Variants in CADM2 observed in about 807,000 individuals in gnomAD.
The protein encoded by CADM2 is immunoglobulin superfamily member 4D.
A neutral mutation model predicts 49.8 loss-of-function variants in CADM2; 12 were observed. That is an observed-to-expected ratio of 0.24 (90% CI 0.15 to 0.39). The LOEUF is 0.39. Among genes scored for constraint, CADM2 ranks in the 10% least tolerant of loss-of-function variants. The pLI is 1.00. For missense variants in CADM2, 378 were observed against 492.3 expected (o/e 0.77, Z 2.20); for synonymous variants, 214 against 175.4 (o/e 1.22, Z -1.74).
chr3:85,418,164 A>G (rs925748778), intron 1 of CADM2, among the ~76,000 whole-genome samples: 3 of 151,994 alleles, frequency 2.0e-5, no homozygotes, highest in Non-Finnish European at 4.4e-5. Flanking sequence ...ATGCCAGTCC[A>G]GGAAATATTT....
chr3:85,289,195 A>C (rs2043712053), intron 1 of CADM2, among the ~76,000 whole-genome samples: 1 of 152,196 alleles, frequency 6.6e-6, no homozygotes, highest in Non-Finnish European at 1.5e-5. Context: ...AGCTAGGAAG[A>C]CATCAATTAT....
intron 1 of CADM2, among the ~76,000 whole-genome samples, chr3:84,967,420 A>G (rs2031084867): frequency 6.6e-6 from 1 of 152,156 alleles, no homozygotes; most frequent in Non-Finnish European, 1.5e-5. Context: ...GTTCATTCTG[A>G]TACCTTTTAC....
intron 1 of CADM2, among the ~76,000 whole-genome samples, chr3:85,557,958 G>A (rs756081813): frequency 8.6e-5 from 13 of 151,962 alleles, no homozygotes; most frequent in Non-Finnish European, 1.8e-4. Context: ...GAGAAAACCT[G>A]TCTTTAGACA....
At chr3:84,989,974 A>G (rs560751418) in intron 1 of CADM2, among the ~76,000 whole-genome samples, 2 of 152,100 alleles carry the variant, frequency 1.3e-5, no homozygotes, top group African/African-American at 2.4e-5. Context: ...AGAAAATTAA[A>G]TATGGTTACA....
At chr3:85,993,252 A>G (rs990927056) in intron 8 of CADM2, 3 of 152,228 alleles carry the variant, frequency 2.0e-5, no homozygotes, top group African/African-American at 7.2e-5. Flanking sequence ...AGTAGATTTC[A>G]GCTTAAGAAA....
intron 1 of CADM2, among the ~76,000 whole-genome samples, chr3:85,507,282 T>C (rs1008671095): frequency 6.7e-6 from 1 of 150,188 alleles, no homozygotes; most frequent in East Asian, 2.0e-4. Context: ...CTCCCTCCCA[T>C]GTTCAAACGA....
intron 8 of CADM2, among the ~76,000 whole-genome samples, chr3:85,961,858 T>A (rs865957381): frequency 1.2e-4 from 18 of 152,084 alleles, no homozygotes; most frequent in African/African-American, 4.1e-4. Context: ...TAAAATTTTT[T>A]TTTGTAAAAA....
chr3:85,373,373 A>T, intron 1 of CADM2, among the ~76,000 whole-genome samples: 1 of 152,240 alleles, frequency 6.6e-6, no homozygotes, highest in Admixed American at 6.5e-5. Flanking sequence ...CACTGATGCA[A>T]GGGGTGGGTT....
chr3:85,119,336 GTTCTGTTCCACTGTTCTATATAT>G (rs2038764577), intron 1 of CADM2, among the ~76,000 whole-genome samples: 1 of 152,072 alleles, frequency 6.6e-6, no homozygotes, highest in African/African-American at 2.4e-5. Flanking sequence ...TGAAACCTTT[GTTCTGTTCCACTGTTCTATATAT>G]CTGTTTTGGT....
chr3:85,043,068 C>A (rs1329689299), intron 1 of CADM2, among the ~76,000 whole-genome samples: 1 of 151,944 alleles, frequency 6.6e-6, no homozygotes, highest in Non-Finnish European at 1.5e-5. Flanking sequence ...CATGGAGAAG[C>A]CCCTGGGAGA....
intron 1 of CADM2, among the ~76,000 whole-genome samples, chr3:85,219,493 C>T (rs2042000107): frequency 6.6e-6 from 1 of 152,090 alleles, no homozygotes; most frequent in African/African-American, 2.4e-5. Context: ...ATCAACTCTG[C>T]CTAAATATAC....
intron 1 of CADM2, among the ~76,000 whole-genome samples, chr3:85,661,618 T>C (rs999347287): frequency 9.9e-5 from 15 of 152,140 alleles, no homozygotes; most frequent in Middle Eastern, 3.4e-3. Flanking sequence ...AAGCTCTTTT[T>C]TTTCTCCCCT....
chr3:85,511,268 T>C (rs563862129), intron 1 of CADM2, among the ~76,000 whole-genome samples: 2 of 152,212 alleles, frequency 1.3e-5, no homozygotes, highest in South Asian at 4.1e-4. Context: ...AACAATTTAT[T>C]TAACTTTACC....
intron 1 of CADM2, among the ~76,000 whole-genome samples, chr3:85,722,384 A>G (rs1314070580): frequency 6.6e-6 from 1 of 152,104 alleles, no homozygotes; most frequent in African/African-American, 2.4e-5. Context: ...CTCTAACTCT[A>G]TTGCCTCCTC....
chr3:85,415,112 C>T (rs1419918408), intron 1 of CADM2, among the ~76,000 whole-genome samples: 1 of 152,074 alleles, frequency 6.6e-6, no homozygotes, highest in Admixed American at 6.5e-5. Context: ...GTGTTGCCTC[C>T]ACTATAATGC....
At position 85,058,477 on chromosome 3, in the gene CADM2, T is replaced by C. The variant is rs144578703; in HGVS notation, c.61+98809T>C. 4.6e-3 allele frequency among the ~76,000 whole-genome samples: 698 copies of C among 152,216 alleles called. 17 individuals carry two copies. Among genetic ancestry groups the C allele is most frequent in the Non-Finnish European group, 1.6e-3 (107 of 68,014 alleles). On this transcript the variant is annotated intron_variant, in intron 1 of 9. Coordinates refer to ENST00000383699, the MANE Select transcript of CADM2 (RefSeq NM_001167675.2). ...TTATTTTTTTGAGACAGAATTTTGC[T>C]CTTGTCGCCCAGGCTAGAGTGCAGT... is the stretch of plus-strand genomic sequence containing the variant.
At chr3:85,834,456 T>A (rs1248138591) in intron 3 of CADM2, among the ~76,000 whole-genome samples, 2 of 151,626 alleles carry the variant, frequency 1.3e-5, no homozygotes, top group African/African-American at 4.8e-5. Flanking sequence ...GACATGAGGG[T>A]ATAAGTAGAA....
intron 2 of CADM2, among the ~76,000 whole-genome samples, chr3:85,749,907 G>T (rs1023355204): frequency 4.0e-5 from 6 of 151,658 alleles, no homozygotes; most frequent in Admixed American, 2.6e-4. Context: ...TTGCTATTTG[G>T]GTGCTTTGTG....
chr3:85,542,842 G>T (rs2061577899), intron 1 of CADM2, among the ~76,000 whole-genome samples: 1 of 152,144 alleles, frequency 6.6e-6, no homozygotes, highest in Non-Finnish European at 1.5e-5. Flanking sequence ...GTCAAGAGTG[G>T]CAAATATTTC....
Sources: gnomAD v4.1 joint callset for allele counts (sites outside exome capture counted in the v4.1 genomes callset) on GRCh38, gnomAD v4.1.1 for gene constraint, MANE v1.5 for transcripts, NCBI Gene and HGNC (gene_info 2026-07-23, HGNC 2026-07-21) for gene names.